The following SUGCT variants were observed in gnomAD, a reference collection of about 807,000 sequenced individuals.
SUGCT encodes succinyl-CoA:glutarate CoA-transferase.
Under a neutral mutation model 55.0 loss-of-function variants are expected in SUGCT, and 41 were observed. That is an observed-to-expected ratio of 0.74 (90% CI 0.58 to 0.97). SUGCT has a LOEUF of 0.97. Among genes scored for constraint, SUGCT ranks in the 50% least tolerant of loss-of-function variants. The probability of loss-of-function intolerance (pLI) is 0.00; values close to 1 mark genes in which losing one functional copy is unlikely to be tolerated. For synonymous variants in SUGCT, 187 were observed against 200.4 expected (o/e 0.93, Z 0.56); for missense variants, 568 against 547.8 (o/e 1.04, Z -0.37).
chr7:40,464,637 C>T (rs1483759135), intron 11 of SUGCT, among the ~76,000 whole-genome samples: 1 of 152,088 alleles, frequency 6.6e-6, no homozygotes, highest in Non-Finnish European at 1.5e-5. Context: ...TACTGTGAGC[C>T]TGGACAACAT....
chr7:40,218,271 A>G (rs551074672), intron 6 of SUGCT, among the ~76,000 whole-genome samples: 165 of 152,294 alleles, frequency 1.1e-3, no homozygotes, highest in Non-Finnish European at 1.9e-3. Flanking sequence ...GTGCTCTTCA[A>G]AATTATTATT....
intron 13 of SUGCT, among the ~76,000 whole-genome samples, chr7:40,811,326 A>AATGGC (rs1408959837): frequency 3.9e-5 from 6 of 152,142 alleles, no homozygotes; most frequent in Non-Finnish European, 8.8e-5. Context: ...GTTTGATAGG[A>AATGGC]ATGGCATTGA....
At chr7:40,598,715 T>G (rs1296222906) in intron 12 of SUGCT, among the ~76,000 whole-genome samples, 1 of 152,162 alleles carries the variant, frequency 6.6e-6, no homozygotes, top group Non-Finnish European at 1.5e-5. Flanking sequence ...GGATATTATT[T>G]GAGAAAACCA....
chr7:40,505,165 T>G (rs1792518048), intron 12 of SUGCT, among the ~76,000 whole-genome samples: 1 of 152,212 alleles, frequency 6.6e-6, no homozygotes, highest in Admixed American at 6.5e-5. Flanking sequence ...TTTCTGATAT[T>G]AGTGTAGCCA....
At chr7:40,686,332 A>T (rs1784462701) in intron 12 of SUGCT, among the ~76,000 whole-genome samples, 1 of 152,204 alleles carries the variant, frequency 6.6e-6, no homozygotes, top group Non-Finnish European at 1.5e-5. Flanking sequence ...TTCCTTACTG[A>T]AAAAATGAGA....
chr7:40,644,628 T>A (rs1800415810), intron 12 of SUGCT, among the ~76,000 whole-genome samples: 4 of 152,332 alleles, frequency 2.6e-5, no homozygotes, highest in Middle Eastern at 6.8e-3. Context: ...TCAGGGATGC[T>A]AAGCCCTTTC....
intron 9 of SUGCT, among the ~76,000 whole-genome samples, chr7:40,372,878 G>A (rs757546330): frequency 2.6e-5 from 4 of 151,886 alleles, no homozygotes; most frequent in Non-Finnish European, 4.4e-5. Context: ...AAGTAACCAC[G>A]CATTTTGTCC....
intron 8 of SUGCT, among the ~76,000 whole-genome samples, chr7:40,300,589 G>A (rs950565489): frequency 6.6e-6 from 1 of 152,170 alleles, no homozygotes; most frequent in African/African-American, 2.4e-5. Flanking sequence ...ATATGCAAAT[G>A]TGCTGAATTA....
chr7:40,493,669 CCCTAGG>C (rs1791816755), intron 11 of SUGCT, among the ~76,000 whole-genome samples: 1 of 152,104 alleles, frequency 6.6e-6, no homozygotes, highest in Admixed American at 6.6e-5. Flanking sequence ...CCAGTGAAGG[CCCTAGG>C]TTCACTTGCT....
the SUGCT span, among the ~76,000 whole-genome samples, chr7:40,954,979 T>C: frequency 8.5e-5 from 13 of 152,178 alleles, no homozygotes; most frequent in Non-Finnish European, 1.8e-4. Context: ...AGGTCTCTGT[T>C]CTGTTCAATT....
intron 10 of SUGCT, among the ~76,000 whole-genome samples, chr7:40,456,177 C>T (rs374728322): frequency 6.6e-6 from 1 of 152,018 alleles, no homozygotes; most frequent in African/African-American, 2.4e-5. Context: ...AGGCACCCAC[C>T]GTCATGCCTG....
At chr7:40,446,346 C>G (rs1788834773) in intron 9 of SUGCT, among the ~76,000 whole-genome samples, 1 of 152,092 alleles carries the variant, frequency 6.6e-6, no homozygotes, top group Admixed American at 6.6e-5. Flanking sequence ...CCATCTCACC[C>G]TTCTCCACAA....
At chr7:40,914,113 G>T in the SUGCT span, among the ~76,000 whole-genome samples, 1 of 147,886 alleles carries the variant, frequency 6.8e-6, no homozygotes, top group Non-Finnish European at 1.5e-5. Flanking sequence ...CCACTTCTAC[G>T]TATCTAATTT....
At chr7:40,782,474 A>G (rs998596535) in intron 13 of SUGCT, 1 of 152,190 alleles carries the variant, frequency 6.6e-6, no homozygotes, top group Non-Finnish European at 1.5e-5. Context: ...GAAGTTAGGT[A>G]GTAAACACTT....
At chr7:40,967,577 T>C in the SUGCT span, among the ~76,000 whole-genome samples, 1 of 152,152 alleles carries the variant, frequency 6.6e-6, no homozygotes, top group Non-Finnish European at 1.5e-5. Flanking sequence ...TAGCATTGAA[T>C]GTCCTCTTCC....
chr7:40,574,547 T>G (rs1450589092), intron 12 of SUGCT, among the ~76,000 whole-genome samples: 1 of 152,096 alleles, frequency 6.6e-6, no homozygotes, highest in Non-Finnish European at 1.5e-5. Flanking sequence ...TTCTCTTGCC[T>G]CAGCCTCTCG....
chr7:40,644,912 A>G (rs999306114), intron 12 of SUGCT, among the ~76,000 whole-genome samples: 3 of 152,074 alleles, frequency 2.0e-5, no homozygotes, highest in African/African-American at 7.2e-5. Flanking sequence ...CAGATCTTGC[A>G]CCTTCCCTCA....
At chr7:40,920,494 T>G in the SUGCT span, among the ~76,000 whole-genome samples, 4 of 152,052 alleles carry the variant, frequency 2.6e-5, no homozygotes, top group Non-Finnish European at 5.9e-5. Flanking sequence ...GACTGAAAAA[T>G]GCACCCCCAA....
chr7:40,869,754 G>T, the SUGCT span, among the ~76,000 whole-genome samples: 13,842 of 152,000 alleles, frequency 0.091, 724 homozygotes, highest in Middle Eastern at 0.15. Flanking sequence ...TCCAATCTGG[G>T]TCAGTCTCCA....
Sources: allele counts gnomAD v4.1 joint callset (sites outside exome capture counted in the v4.1 genomes callset), GRCh38; gene constraint gnomAD v4.1.1; transcripts MANE v1.5; gene names NCBI Gene and HGNC (gene_info 2026-07-23, HGNC 2026-07-21).